The following ENTPD1 variants were observed in gnomAD, a reference collection of about 807,000 sequenced individuals.
ENTPD1 encodes ectonucleoside triphosphate diphosphohydrolase 1.
A neutral mutation model predicts 57.0 loss-of-function variants in ENTPD1; 33 were observed. The ratio of observed to expected loss-of-function variants is 0.58; its 90% CI spans 0.44 to 0.77. The LOEUF (loss-of-function observed/expected upper bound fraction) is 0.77, where lower values mean the gene tolerates loss of function less well. Among genes scored for constraint, ENTPD1 ranks in the 30% least tolerant of loss-of-function variants. The probability of loss-of-function intolerance (pLI) is 0.00; values close to 1 mark genes in which losing one functional copy is unlikely to be tolerated. For synonymous variants in ENTPD1, 202 were observed against 218.8 expected, an observed-to-expected ratio of 0.92 and a Z score of 0.68; for missense variants, 501 against 603.4, an observed-to-expected ratio of 0.83 and a Z score of 1.78.
chr10:95,853,691 A>G (rs1194778676), intron 7 of ENTPD1, among the ~76,000 whole-genome samples: 1 of 152,202 alleles, frequency 6.6e-6, no homozygotes, highest in Admixed American at 6.5e-5. Flanking sequence ...TGAGATAATC[A>G]TGTGGCTTTT....
chr10:95,866,268 C>T lies in ENTPD1; in HGVS notation c.1418C>T (p.Ser473Phe), dbSNP rs758404941. ...GAGCAACCATTGTCCACACCTCTCTCCCACTCCACCTATGTCTTCCTCATG... is the reference window on the plus strand; with the variant it reads ...GAGCAACCATTGTCCACACCTCTCTTCCACTCCACCTATGTCTTCCTCATG... ...PAEQPLSTPL[S>F]HSTYVFLMVL... Residue 473 changes from serine (S) to phenylalanine (F), a missense_variant, in exon 10 of 10, where the codon TCC becomes TTC. By Grantham distance (155) the Ser-to-Phe change is radical (BLOSUM62 -2). Transcript: ENST00000371205. The T allele has an allele frequency of 1.2e-6, 2 of 1,614,060 alleles. No individual in the cohort carries two copies. The highest frequency in any genetic ancestry group is 1.1e-5 in the South Asian group (1 of 91,086).
intron 1 of ENTPD1, among the ~76,000 whole-genome samples, chr10:95,767,723 A>G (rs1314078470): frequency 6.6e-6 from 1 of 152,094 alleles, no homozygotes; most frequent in Non-Finnish European, 1.5e-5. Flanking sequence ...AAGAGAGACA[A>G]CTTCTCTTAA....
At chr10:95,790,726 G>T (rs1403004959) in intron 1 of ENTPD1, among the ~76,000 whole-genome samples, 1 of 152,072 alleles carries the variant, frequency 6.6e-6, no homozygotes, top group Non-Finnish European at 1.5e-5. Flanking sequence ...TGAAAAAAAT[G>T]TATAGCAGAG....
At chr10:95,756,032 A>G (rs534729019), upstream of ENTPD1, 3 of 1,469,866 alleles carry the variant, frequency 2.0e-6, no homozygotes, top group South Asian at 2.9e-5. Context: ...TGGACTCCTC[A>G]GTCAATCTGT....
At chr10:95,782,150 A>G (rs780093216) in intron 1 of ENTPD1, among the ~76,000 whole-genome samples, 13 of 152,204 alleles carry the variant, frequency 8.5e-5, no homozygotes, top group Admixed American at 3.9e-4. Flanking sequence ...ATAAAGGACT[A>G]ATGTGCCAGG....
chr10:95,840,824 C>T (rs370928608), intron 3 of ENTPD1, among the ~76,000 whole-genome samples: 26 of 152,256 alleles, frequency 1.7e-4, no homozygotes, highest in East Asian at 1.2e-3. Flanking sequence ...GAGCTGGGAA[C>T]CCACTGTTTA....
At position 95,860,527 on chromosome 10, in the gene ENTPD1, C is replaced by T. The variant is rs764093765; in HGVS notation, c.1133C>T (p.Ser378Phe). The T allele has an allele frequency of 1.2e-6, 2 of 1,613,956 alleles. No individual in the cohort carries two copies. Among genetic ancestry groups the T allele is most frequent in the Non-Finnish European group, 8.5e-7 (1 of 1,179,904 alleles). ...TTAAACTTGACATCAGAGAAAGTCT[C>T]TCAGGAAAAGGTGACTGAGATGATG... ...KFLNLTSEKV[S>F]QEKVTEMMKK... is the part of the protein sequence containing the mutation. Residue 378 changes from serine (S) to phenylalanine (F), a missense_variant, in exon 8 of 10, where the codon TCT (serine) becomes TTT (phenylalanine). Transcript: ENST00000371205.
In ENTPD1 at chr10:95,803,147, C is replaced by T. The variant is rs534221206; in HGVS notation, c.17-20090C>T. Among the ~76,000 whole-genome samples the T allele has an allele frequency of 8.5e-5, 13 of 152,148 alleles. 1 individual carries two copies. The South Asian group carries it at 1.7e-3, about 19-fold the overall frequency. The stretch of plus-strand genomic sequence containing the variant: ...CATTGAATCTATAAATTGCTTTGGG[C>T]GGTATGGCCATTTTAACGATATGGA... On this transcript the variant is annotated intron_variant, in intron 1 of 9. Coordinates refer to ENST00000371205, the MANE Select transcript of ENTPD1 (RefSeq NM_001776.6).
At position 95,845,479 on chromosome 10, in the gene ENTPD1, C is replaced by G. The variant is rs2140861847; in HGVS notation, c.696C>G (p.Ser232=). 1 of 1,614,146 alleles carries G rather than the reference C, an allele frequency of 6.2e-7. No individual in the cohort carries two copies. The highest frequency in any genetic ancestry group is 8.5e-7 in the Non-Finnish European group (1 of 1,180,036). ...TACCCCAAAACCAGACTATCGAGTCCCCAGATAATGCTCTGCAATTTCGCC... is the reference window on the plus strand; with the variant it reads ...TACCCCAAAACCAGACTATCGAGTCGCCAGATAATGCTCTGCAATTTCGCC... The part of the protein sequence containing the change: ...TFVPQNQTIE[S]PDNALQFRLY... Residue 232 remains serine, a synonymous_variant, in exon 6 of 10, where the codon TCC becomes TCG. Transcript: ENST00000371205.
chr10:95,823,206 T>C (rs1240867098), intron 1 of ENTPD1, 31 bp from the exon 2 acceptor site: 1 of 1,613,126 alleles, frequency 6.2e-7, no homozygotes, highest in African/African-American at 1.3e-5. Flanking sequence ...GATTTCTTGT[T>C]GGTATTTTTT....
chr10:95,731,340 C>T (rs1475648800), intron 1 of ENTPD1, among the ~76,000 whole-genome samples: 1 of 152,190 alleles, frequency 6.6e-6, no homozygotes, highest in African/African-American at 2.4e-5. Context: ...TATTCCTCAG[C>T]TCCTTCCCTG....
upstream of ENTPD1, among the ~76,000 whole-genome samples, chr10:95,751,659 G>A (rs2098012197): frequency 6.6e-6 from 1 of 150,396 alleles, no homozygotes. Flanking sequence ...AGGTTGCAGT[G>A]AGTCAAGATC....
At chr10:95,695,603 TAGAC>T in the ENTPD1 span, among the ~76,000 whole-genome samples, 7 of 152,252 alleles carry the variant, frequency 4.6e-5, no homozygotes, top group Non-Finnish European at 1.0e-4. Context: ...TGTTGTGTGA[TAGAC>T]AGCTATGGGA....
At position 95,871,161 on chromosome 10, in the gene ENTPD1, C is replaced by T; in HGVS notation, c.*4778C>T. The T allele has an allele frequency of 1.0e-6, 1 of 985,396 alleles. No homozygotes were observed. Among genetic ancestry groups the T allele is most frequent in the Non-Finnish European group, 1.2e-6 (1 of 829,936 alleles). The allele number at this position is 985,396 out of a possible 1,614,324, so 61.0% of individuals were successfully genotyped here. A position where few individuals can be genotyped will look rare whatever the true frequency, so the allele number is the denominator to read the frequency against. Reference sequence around the variant, plus strand: ...GTCAGATAAACAGTGGGAGGAATGGCAAAGTCATATGGCCAAGGCCATGAG... The same window carrying T: ...GTCAGATAAACAGTGGGAGGAATGGTAAAGTCATATGGCCAAGGCCATGAG... On this transcript the variant is annotated 3_prime_UTR_variant, in exon 10 of 10. Transcript: ENST00000371205.
chr10:95,781,405 T>C (rs1210538495), intron 1 of ENTPD1, among the ~76,000 whole-genome samples: 1 of 152,080 alleles, frequency 6.6e-6, no homozygotes, highest in African/African-American at 2.4e-5. Context: ...CTATAGACAA[T>C]AATAATTTAA....
At position 95,873,025 on chromosome 10, in the gene ENTPD1, A is replaced by G; in HGVS notation, c.*6642A>G. On this transcript the variant is annotated 3_prime_UTR_variant, in exon 10 of 10. Transcript: ENST00000371205. ...ATCTCAAAATTTAATGTACATACAAATTACCCAGGGATTTTGTTGAAATAA... is the reference window on the plus strand; with the variant it reads ...ATCTCAAAATTTAATGTACATACAAGTTACCCAGGGATTTTGTTGAAATAA... The G allele has an allele frequency of 1.0e-6, 1 of 973,994 alleles. No individual in the cohort carries two copies. Among genetic ancestry groups the G allele is most frequent in the South Asian group, 4.7e-5 (1 of 21,058 alleles). 60.3% of individuals were successfully genotyped at this position (973,994 alleles called of 1,614,324 possible).
the ENTPD1 span, among the ~76,000 whole-genome samples, chr10:95,699,839 T>C: frequency 2.0e-5 from 3 of 152,172 alleles, no homozygotes; most frequent in African/African-American, 7.2e-5. Flanking sequence ...GGAAGGATAT[T>C]GACTGAAGAA....
Position 95,810,004 on chromosome 10 carries a change from G to A in ENTPD1, c.17-13233G>A, listed in dbSNP as rs563442055. On this transcript the variant is annotated intron_variant, in intron 1 of 9. Coordinates refer to ENST00000371205, the MANE Select transcript of ENTPD1 (RefSeq NM_001776.6). ...CCAGAAAGGGCGGCCGGGCAGAGGC[G>A]CTTCTCACTTCCCAGACAGGGTCGC... Among the ~76,000 whole-genome samples the A allele has an allele frequency of 2.8e-4, 41 of 147,216 alleles. 2 individuals carry two copies. The highest frequency in any genetic ancestry group is 1.4e-3 in the South Asian group (6 of 4,392).
chr10:95,848,196 C>A (rs1030606072), intron 7 of ENTPD1, among the ~76,000 whole-genome samples: 4 of 152,154 alleles, frequency 2.6e-5, no homozygotes, highest in Non-Finnish European at 4.4e-5. Flanking sequence ...GCTGGGGATG[C>A]TAAATCTGCC....
Sources: allele counts gnomAD v4.1 joint callset (sites outside exome capture counted in the v4.1 genomes callset), GRCh38; gene constraint gnomAD v4.1.1; transcripts MANE v1.5; gene names NCBI Gene and HGNC (gene_info 2026-07-23, HGNC 2026-07-21).